Variants in MYLK3 observed in about 807,000 individuals in gnomAD.
MYLK3 encodes the protein myosin light chain kinase 3, also known as MLC kinase.
In MYLK3, 55 loss-of-function variants were observed where a neutral mutation model predicts 76.3. The observed-to-expected ratio is 0.72, with a 90% CI of 0.58 to 0.90. The LOEUF (loss-of-function observed/expected upper bound fraction) is 0.90. MYLK3 is among the 40% of genes least tolerant of loss of function. The pLI is 0.00. For synonymous variants in MYLK3, 416 were observed against 425.4 expected, an observed-to-expected ratio of 0.98 and a Z score of 0.27; for missense variants, 973 against 1,053.6, an observed-to-expected ratio of 0.92 and a Z score of 1.06.
At chr16:46,728,582 A>G (rs1022775251) in intron 7 of MYLK3, among the ~76,000 whole-genome samples, 1 of 152,152 alleles carries the variant, frequency 6.6e-6, no homozygotes, top group Admixed American at 6.5e-5. Context: ...TTAGCTGGGC[A>G]TTGTGGCACA....
rs1296175106 is a variant in MYLK3, at chr16:46,757,934, AGAG to A, written c.-114+5103_-114+5105del. The stretch of plus-strand genomic sequence containing the variant: ...CTTGCATTCAGGGAGCCCTGAGGAC[AGAG>A]GAGAGGCCGGGTCTGCAGCAGAGAG... On this transcript the variant is annotated intron_variant, in intron 1 of 11. Transcript: ENST00000536476. Among the ~76,000 whole-genome samples, 5 of 152,200 alleles carry A rather than the reference AGAG, an allele frequency of 3.3e-5. No individual in the cohort carries two copies. In the East Asian group the frequency reaches 9.6e-4, roughly 29 times the overall value.
rs1187916313 is a variant in MYLK3, at chr16:46,719,326, C to CA, written c.1985+1796dup. Among the ~76,000 whole-genome samples, 561 of 82,856 alleles carry CA rather than the reference C, an allele frequency of 6.8e-3. 4 individuals carry two copies. The highest frequency in any genetic ancestry group is 0.016 in the African/African-American group (357 of 22,082). 54.4% of individuals were successfully genotyped at this position (82,856 alleles called of 152,430 possible). ...TGGGTGACAGCATGAGACTCGGTCTCAAAAAAAAAAAAAAAAGAAGATATG... is the reference window on the plus strand; with the variant it reads ...TGGGTGACAGCATGAGACTCGGTCTCAAAAAAAAAAAAAAAAAGAAGATATG... On this transcript the variant is annotated intron_variant, in intron 9 of 12. Transcript: ENST00000394809.
intron 1 of MYLK3, among the ~76,000 whole-genome samples, chr16:46,761,241 C>T (rs749433331): frequency 1.8e-4 from 28 of 152,084 alleles, no homozygotes; most frequent in Non-Finnish European, 2.5e-4. Context: ...TCCAGCCACA[C>T]GACATCAATG....
chr16:46,714,107 A>T (rs1258624271), intron 9 of MYLK3, among the ~76,000 whole-genome samples: 3 of 152,180 alleles, frequency 2.0e-5, no homozygotes, highest in African/African-American at 7.2e-5. Context: ...AAAGGGGGGC[A>T]AACAGTGTGT....
At chr16:46,710,841 T>C (rs1233730477) in intron 10 of MYLK3, 52 bp from the exon 11 acceptor site, 2 of 1,602,094 alleles carry the variant, frequency 1.2e-6, no homozygotes, top group Non-Finnish European at 1.7e-6. Context: ...TTTGCCAACA[T>C]GCATTGGCAG....
At chr16:46,741,770 ATTT>A (rs11314898) in intron 1 of MYLK3, among the ~76,000 whole-genome samples, 38 of 134,050 alleles carry the variant, frequency 2.8e-4, no homozygotes, top group East Asian at 4.4e-4. Context: ...TGGGCTTGCA[ATTT>A]TTTTTTTTTT....
chr16:46,758,333 CT>C, intron 1 of MYLK3, among the ~76,000 whole-genome samples: 1 of 145,986 alleles, frequency 6.8e-6, no homozygotes, highest in African/African-American at 2.6e-5. Flanking sequence ...CTCTCTCTCT[CT>C]CTCTCTCTCA....
intron 9 of MYLK3, among the ~76,000 whole-genome samples, chr16:46,718,035 T>A (rs1966761717): frequency 6.6e-6 from 1 of 152,186 alleles, no homozygotes; most frequent in Non-Finnish European, 1.5e-5. Context: ...CATTGGTTCT[T>A]GGGGGACAAA....
chr16:46,739,601 C>T (rs1258973483), intron 2 of MYLK3, among the ~76,000 whole-genome samples: 2 of 151,694 alleles, frequency 1.3e-5, no homozygotes, highest in African/African-American at 4.9e-5. Flanking sequence ...GAATGAAGAC[C>T]CACTTCCACT....
intron 7 of MYLK3, 123 bp downstream of exon 7, chr16:46,728,901 C>T: frequency 2.9e-6 from 2 of 701,162 alleles, no homozygotes; most frequent in Non-Finnish European, 4.9e-6. Context: ...GACAGGATGA[C>T]ACGACCCTGG....
intron 7 of MYLK3, 77 bp from the exon 8 acceptor site, chr16:46,727,454 A>C: frequency 6.7e-7 from 1 of 1,488,760 alleles, no homozygotes. Flanking sequence ...TTATAGGGCC[A>C]AAAGAGGCCA....
chr16:46,747,089 AC>A (rs1272477187), intron 1 of MYLK3, among the ~76,000 whole-genome samples: 1 of 151,776 alleles, frequency 6.6e-6, no homozygotes, highest in African/African-American at 2.4e-5. Context: ...TACAGACCTC[AC>A]CCCCCATATC....
chr16:46,712,975 C>T (rs964741613), intron 9 of MYLK3, among the ~76,000 whole-genome samples, 199 bp from the exon 10 acceptor site: 33 of 152,164 alleles, frequency 2.2e-4, no homozygotes, highest in Middle Eastern at 3.4e-3. Context: ...TCTAAGTCAG[C>T]GATAGAATCA....
intron 9 of MYLK3, among the ~76,000 whole-genome samples, chr16:46,718,445 T>A (rs1332597628): frequency 2.6e-5 from 4 of 152,140 alleles, no homozygotes; most frequent in Non-Finnish European, 4.4e-5. Flanking sequence ...TGAAAATGCA[T>A]CATCACACTG....
chr16:46,715,503 T>A (rs1210642729), intron 9 of MYLK3, among the ~76,000 whole-genome samples: 4 of 152,140 alleles, frequency 2.6e-5, no homozygotes, highest in African/African-American at 9.7e-5. Flanking sequence ...GGAGACCGTA[T>A]CCTCACAGGG....
intron 3 of MYLK3, among the ~76,000 whole-genome samples, chr16:46,734,532 A>G (rs1966859811): frequency 6.6e-6 from 1 of 151,946 alleles, no homozygotes; most frequent in Admixed American, 6.6e-5. Context: ...GAGAATAGCT[A>G]ATCGCTTGAA....
chr16:46,747,925 C>T lies in MYLK3; in HGVS notation c.269G>A (p.Trp90Ter). 6.2e-7 allele frequency: 1 copy of T among 1,613,642 alleles called. No homozygotes were observed. Among genetic ancestry groups the T allele is most frequent in the Non-Finnish European group, 8.5e-7 (1 of 1,179,872 alleles). The change falls in exon 1 of 13, where the codon TGG becomes TAG. Residue 90 changes from tryptophan (W) to a stop codon, truncating the protein, a stop_gained. Coordinates refer to ENST00000394809, the MANE Select transcript of MYLK3 (RefSeq NM_182493.3). LOFTEE classifies it high-confidence loss of function. The stretch of plus-strand genomic sequence containing the variant: ...CCTCACCAGCTCCAGGACCTCGGGC[C>T]ACCCAGCCTGGGTGTCAATGTGGGG... ...GVPHIDTQAG[W>*]PEVLELVRAM...
intron 12 of MYLK3, among the ~76,000 whole-genome samples, 195 bp from the exon 13 acceptor site, chr16:46,707,958 T>A (rs1033098325): frequency 1.3e-5 from 2 of 152,210 alleles, no homozygotes; most frequent in African/African-American, 4.8e-5. Flanking sequence ...GGAGTAAATA[T>A]GAAGTGGGAA....
At chr16:46,740,739 A>G (rs1199798980) in intron 1 of MYLK3, among the ~76,000 whole-genome samples, 2 of 151,794 alleles carry the variant, frequency 1.3e-5, no homozygotes, top group East Asian at 3.9e-4. Flanking sequence ...TTTAGTAGAG[A>G]CAGGGTTTCA....
Sources: gnomAD v4.1 joint callset for allele counts (sites outside exome capture counted in the v4.1 genomes callset) on GRCh38, gnomAD v4.1.1 for gene constraint, MANE v1.5 for transcripts, NCBI Gene and HGNC (gene_info 2026-07-23, HGNC 2026-07-21) for gene names.